Variants in CHD1L observed in about 807,000 individuals in gnomAD.
CHD1L encodes the protein chromodomain helicase DNA binding protein 1 like, also known as ATP-dependent chromatin remodeler CHD1L.
Under a neutral mutation model 115.9 loss-of-function variants are expected in CHD1L, and 118 were observed. The ratio of observed to expected loss-of-function variants is 1.02; its 90% CI spans 0.88 to 1.19. The LOEUF is 1.19. CHD1L is among the 50% of genes most tolerant of loss of function. The pLI is 0.00. For synonymous variants in CHD1L, 411 were observed against 387.1 expected, an observed-to-expected ratio of 1.06 and a Z score of -0.72; for missense variants, 1,179 against 1,065.3, an observed-to-expected ratio of 1.11 and a Z score of -1.49.
chr1:147,190,499 T>A, the CHD1L span, among the ~76,000 whole-genome samples: 1 of 151,976 alleles, frequency 6.6e-6, no homozygotes, highest in Non-Finnish European at 1.5e-5. Context: ...AATACCTGCC[T>A]CCTCCCTAAT....
chr1:147,275,404 A>C lies in CHD1L; in HGVS notation c.1321A>C (p.Ser441Arg). The change falls in exon 13 of 23, where the codon AGT becomes CGT. Residue 441 changes from serine (S) to arginine (R), a missense_variant. Coordinates refer to ENST00000369258, the MANE Select transcript of CHD1L (RefSeq NM_004284.6). ...AGCAGATACTGTGATTTTTGTTGAC[A>C]GTGACTTTAATCCTCAGAATGACTT... ...TAADTVIFVD[S>R]DFNPQNDLQA... is the part of the protein sequence containing the mutation. 6.2e-7 allele frequency: 1 copy of C among 1,614,142 alleles called. No individual in the cohort carries two copies. Among genetic ancestry groups the C allele is most frequent in the South Asian group, 1.1e-5 (1 of 91,084 alleles).
At chr1:147,178,244 C>G in the CHD1L span, 1 of 1,613,724 alleles carries the variant, frequency 6.2e-7, no homozygotes, top group Middle Eastern at 1.7e-4. Flanking sequence ...GACACGGGCT[C>G]TGCGGGCCTC....
the CHD1L span, chr1:147,203,968 T>G: frequency 1.2e-5 from 15 of 1,232,402 alleles, no homozygotes; most frequent in Non-Finnish European, 1.8e-5. Flanking sequence ...TACAGAGTCT[T>G]CGGACATCCC....
At chr1:147,173,323 C>G in the CHD1L span, 1 of 152,598 alleles carries the variant, frequency 6.6e-6, no homozygotes, top group African/African-American at 2.4e-5. Context: ...CAAGAAAAAT[C>G]TGTTCAGTGG....
chr1:147,295,541 C>T lies in CHD1L; in HGVS notation c.*32C>T, dbSNP rs1553976514. ...GCCCAGCCTCAGATCCTGTCTTTAGCAACCAGCTAATATTTACCCAGAGGT... is the reference window on the plus strand; with the variant it reads ...GCCCAGCCTCAGATCCTGTCTTTAGTAACCAGCTAATATTTACCCAGAGGT... On this transcript the variant is annotated 3_prime_UTR_variant, in exon 23 of 23. Transcript: ENST00000369258. 1.3e-6 allele frequency: 2 copies of T among 1,485,956 alleles called. No homozygotes were observed. Among genetic ancestry groups the T allele is most frequent in the Non-Finnish European group, 1.9e-6 (2 of 1,069,316 alleles). 92.0% of individuals were successfully genotyped at this position (1,485,956 alleles called of 1,614,324 possible).
the CHD1L span, among the ~76,000 whole-genome samples, chr1:147,205,645 G>A: frequency 6.6e-6 from 1 of 152,038 alleles, no homozygotes; most frequent in South Asian, 2.1e-4. Context: ...TGACAAACCT[G>A]ACAAAAACAA....
At chr1:147,282,659 A>C (rs1681377883) in intron 15 of CHD1L, among the ~76,000 whole-genome samples, 1 of 152,224 alleles carries the variant, frequency 6.6e-6, no homozygotes, top group Non-Finnish European at 1.5e-5. Flanking sequence ...GCATGTGATC[A>C]TATTTTTAAG....
chr1:147,277,568 G>A (rs1426658167), intron 14 of CHD1L, among the ~76,000 whole-genome samples: 5 of 152,220 alleles, frequency 3.3e-5, no homozygotes, highest in African/African-American at 1.2e-4. Flanking sequence ...TATCTTAGGG[G>A]GTAGGTGTGG....
the CHD1L span, among the ~76,000 whole-genome samples, chr1:147,177,485 A>G: frequency 0.37 from 56,612 of 151,956 alleles, 10,968 homozygotes; most frequent in African/African-American, 0.5. Flanking sequence ...AGCATGAGTC[A>G]AGCCTAGTAA....
At chr1:147,243,551 A>G (rs1467257328) in intron 1 of CHD1L, among the ~76,000 whole-genome samples, 1 of 152,012 alleles carries the variant, frequency 6.6e-6, no homozygotes, top group Admixed American at 6.6e-5. Context: ...TGCATGGCTG[A>G]CCGTACTTCC....
the CHD1L span, among the ~76,000 whole-genome samples, chr1:147,236,740 T>A: frequency 1.3e-5 from 2 of 152,100 alleles, no homozygotes; most frequent in South Asian, 4.1e-4. Flanking sequence ...GGTGGGTAGC[T>A]CCTCTCTGCG....
chr1:147,220,597 G>A, the CHD1L span, among the ~76,000 whole-genome samples: 2 of 152,268 alleles, frequency 1.3e-5, no homozygotes, highest in Non-Finnish European at 1.5e-5. Flanking sequence ...ACTGACAAAC[G>A]CTATTTCAAG....
the CHD1L span, among the ~76,000 whole-genome samples, chr1:147,192,085 T>C: frequency 6.6e-6 from 1 of 152,172 alleles, no homozygotes; most frequent in Admixed American, 6.5e-5. Flanking sequence ...GCATTTAATC[T>C]ATAAATTACC....
chr1:147,284,869 G>A (rs1220229410), intron 16 of CHD1L, among the ~76,000 whole-genome samples: 1 of 152,114 alleles, frequency 6.6e-6, no homozygotes, highest in African/African-American at 2.4e-5. Context: ...TGTTCACAGT[G>A]TTTGGCAGTT....
intron 19 of CHD1L, among the ~76,000 whole-genome samples, chr1:147,289,256 A>G (rs1553968450): frequency 6.6e-6 from 1 of 152,008 alleles, no homozygotes; most frequent in South Asian, 2.1e-4. Flanking sequence ...AGGATGGAGA[A>G]ATGAGAGGCA....
the CHD1L span, chr1:147,186,630 GACAT>G: frequency 4.1e-6 from 5 of 1,220,794 alleles, no homozygotes; most frequent in Non-Finnish European, 5.1e-6. Flanking sequence ...CTCTGCTAAA[GACAT>G]ACAAAGATGA....
chr1:147,272,044 T>C (rs1676442058), intron 11 of CHD1L, 127 bp from the exon 12 acceptor site: 5 of 616,040 alleles, frequency 8.1e-6, no homozygotes, highest in African/African-American at 7.4e-5. Context: ...TGGGATTTGC[T>C]TAAAGTAGGG....
chr1:147,263,445 A>AG (rs11372317), intron 6 of CHD1L, among the ~76,000 whole-genome samples: 7 of 150,416 alleles, frequency 4.7e-5, no homozygotes, highest in Non-Finnish European at 8.9e-5. Context: ...AAAAAAAAAA[A>AG]GATATACATA....
chr1:147,219,161 A>C, the CHD1L span, among the ~76,000 whole-genome samples: 14 of 152,344 alleles, frequency 9.2e-5, no homozygotes, highest in South Asian at 2.9e-3. Flanking sequence ...CTGTGCAGGA[A>C]CATTAAAAAT....
Sources: gnomAD v4.1 joint callset for allele counts (sites outside exome capture counted in the v4.1 genomes callset) on GRCh38, gnomAD v4.1.1 for gene constraint, MANE v1.5 for transcripts, NCBI Gene and HGNC (gene_info 2026-07-23, HGNC 2026-07-21) for gene names.